Variants in PER2 observed in about 807,000 individuals in gnomAD.
PER2 encodes period circadian regulator 2, also known as period circadian protein homolog 2.
Under a neutral mutation model 121.0 loss-of-function variants are expected in PER2, and 66 were observed. The observed-to-expected ratio is 0.55, with a 90% CI of 0.45 to 0.67. The LOEUF is 0.67. Ranked by LOEUF, PER2 falls within the 30% of genes least tolerant of loss-of-function variation. PER2 has a pLI of 0.00. For missense variants in PER2, 1,521 were observed against 1,635.0 expected, an observed-to-expected ratio of 0.93 and a Z score of 1.20; for synonymous variants, 684 against 659.9, an observed-to-expected ratio of 1.04 and a Z score of -0.56.
At chr2:238,294,087 G>A (rs11689405), upstream of PER2, among the ~76,000 whole-genome samples, 694 of 152,260 alleles carry the variant, frequency 4.6e-3, 3 homozygotes, top group Non-Finnish European at 8.0e-3. Flanking sequence ...GGTGATACCC[G>A]TGTTCAAGGT....
intron 16 of PER2, 65 bp from the exon 17 acceptor site, chr2:238,257,151 C>T (rs1282413230): frequency 6.7e-7 from 1 of 1,490,398 alleles, no homozygotes; most frequent in Non-Finnish European, 9.1e-7. Flanking sequence ...AGATGAGAAA[C>T]CGACACCCAA....
intron 18 of PER2, chr2:238,255,164 C>A (rs770975954): frequency 8.9e-6 from 2 of 224,824 alleles, no homozygotes; most frequent in Non-Finnish European, 1.8e-5. Context: ...CACACCATGA[C>A]CATGGACTCT....
intron 1 of PER2, among the ~76,000 whole-genome samples, chr2:238,279,878 C>T (rs1326319024): frequency 2.6e-5 from 4 of 152,196 alleles, no homozygotes; most frequent in Admixed American, 2.0e-4. Flanking sequence ...GAAGAGTGCA[C>T]TGGAGTCCAA....
intron 1 of PER2, among the ~76,000 whole-genome samples, chr2:238,278,740 T>A (rs1455807432): frequency 6.6e-6 from 1 of 151,612 alleles, no homozygotes; most frequent in Non-Finnish European, 1.5e-5. Context: ...GCTTGCCGGG[T>A]AAAGAGGGCA....
intron 8 of PER2, among the ~76,000 whole-genome samples, chr2:238,266,201 C>T (rs1341362832): frequency 6.6e-6 from 1 of 152,120 alleles, no homozygotes; most frequent in Non-Finnish European, 1.5e-5. Flanking sequence ...CTGCGCCCGG[C>T]CCCATCTTTA....
chr2:238,280,243 C>T (rs1440839645), intron 1 of PER2, among the ~76,000 whole-genome samples: 4 of 152,224 alleles, frequency 2.6e-5, no homozygotes, highest in African/African-American at 4.8e-5. Context: ...CATCCCCTTC[C>T]CCAGGTCGAG....
the PER2 span, among the ~76,000 whole-genome samples, chr2:238,296,963 G>T: frequency 4.7e-3 from 718 of 152,338 alleles, 6 homozygotes; most frequent in African/African-American, 0.016. Context: ...CCTCGCGGGG[G>T]ACATCTTCAG....
At chr2:238,284,441 C>CAAAA (rs199867354) in intron 1 of PER2, among the ~76,000 whole-genome samples, 2 of 83,112 alleles carry the variant, frequency 2.4e-5, no homozygotes, top group Admixed American at 1.4e-4. Context: ...GACTCTATCT[C>CAAAA]AAAAAAAAAA....
intron 22 of PER2, among the ~76,000 whole-genome samples, chr2:238,246,832 C>G (rs545651048): frequency 6.6e-6 from 1 of 152,192 alleles, no homozygotes; most frequent in Non-Finnish European, 1.5e-5. Flanking sequence ...GCGGAGATCA[C>G]GCTACTGTGC....
chr2:238,269,766 G>A (rs1357286257), intron 6 of PER2, among the ~76,000 whole-genome samples: 1 of 152,250 alleles, frequency 6.6e-6, no homozygotes, highest in East Asian at 1.9e-4. Context: ...GCACAGTCAC[G>A]GATGTCCAGA....
chr2:238,287,305 T>C (rs921718187), intron 1 of PER2, among the ~76,000 whole-genome samples: 1 of 152,248 alleles, frequency 6.6e-6, no homozygotes, highest in African/African-American at 2.4e-5. Context: ...TATAGTCATA[T>C]AGCACACAAA....
intron 6 of PER2, among the ~76,000 whole-genome samples, chr2:238,270,618 G>A (rs1361186783): frequency 6.6e-6 from 1 of 152,238 alleles, no homozygotes; most frequent in Non-Finnish European, 1.5e-5. Flanking sequence ...CCTGAGGAGA[G>A]TGGGGGTCAG....
the PER2 span, among the ~76,000 whole-genome samples, chr2:238,297,412 G>C: frequency 6.6e-5 from 10 of 152,262 alleles, no homozygotes; most frequent in East Asian, 7.7e-4. Context: ...TGGTCCACCC[G>C]GCAGGGCCTC....
chr2:238,247,068 C>T (rs1253961318), intron 22 of PER2, among the ~76,000 whole-genome samples: 2 of 152,220 alleles, frequency 1.3e-5, no homozygotes, highest in East Asian at 1.9e-4. Flanking sequence ...TGGACATTCA[C>T]AGCAGGCCAA....
At chr2:238,281,105 G>A (rs1696616212) in intron 1 of PER2, among the ~76,000 whole-genome samples, 1 of 151,860 alleles carries the variant, frequency 6.6e-6, no homozygotes, top group East Asian at 1.9e-4. Flanking sequence ...CTGGGTTCAA[G>A]CAATTCTCCT....
Position 238,253,766 on chromosome 2 carries a change from G to A in PER2, c.2321-64C>T, listed in dbSNP as rs1010201189. ...ACTCCAAATTTGAAGACACCTCTTCGTTCAACAGTCCTGGGTTTCCAAATG... is the reference window on the plus strand; with the variant it reads ...ACTCCAAATTTGAAGACACCTCTTCATTCAACAGTCCTGGGTTTCCAAATG... On this transcript the variant is annotated intron_variant, in intron 18 of 22. Transcript: ENST00000254657. This position sits in a 1 kb window ranked among gnomAD's most constrained non-coding sequence, Gnocchi z 5.6. 1.3e-5 allele frequency: 17 copies of A among 1,270,686 alleles called. No homozygotes were observed. The highest frequency in any genetic ancestry group is 5.1e-5 in the South Asian group (4 of 78,668). The allele number at this position is 1,270,686 out of a possible 1,614,324, so 78.7% of individuals were successfully genotyped here.
the PER2 span, chr2:238,295,473 T>TC: frequency 2.6e-5 from 4 of 152,088 alleles, no homozygotes; most frequent in Non-Finnish European, 4.4e-5. Flanking sequence ...CCTCAAATCG[T>TC]CCCCCTGCCT....
intron 3 of PER2, among the ~76,000 whole-genome samples, chr2:238,276,345 T>C (rs111455107): frequency 3.0e-4 from 46 of 152,344 alleles, no homozygotes; most frequent in African/African-American, 1.1e-3. Context: ...TTGTTCCTGG[T>C]CAAGAGTCAC....
rs1280237685 is a variant in PER2, at chr2:238,268,834, G to A, written c.824+89C>T. 1 of 945,704 alleles carries A rather than the reference G, an allele frequency of 1.1e-6. No homozygotes were observed. The highest frequency in any genetic ancestry group is 1.7e-6 in the Non-Finnish European group (1 of 573,434). The allele number at this position is 945,704 out of a possible 1,614,324, so 58.6% of individuals were successfully genotyped here. Reference sequence around the variant, plus strand: ...GGCGTGCTGAGTCCCTGCAGGCAGGGATCACGCCCCCCAGCCTCAAGCGGA... The same window carrying A: ...GGCGTGCTGAGTCCCTGCAGGCAGGAATCACGCCCCCCAGCCTCAAGCGGA... On this transcript the variant is annotated intron_variant, in intron 7 of 22. Coordinates refer to ENST00000254657, the MANE Select transcript of PER2 (RefSeq NM_022817.3). The surrounding 1 kb of genome is among the most constrained non-coding windows in gnomAD (Gnocchi z 4.0).
Sources: allele counts gnomAD v4.1 joint callset (sites outside exome capture counted in the v4.1 genomes callset), GRCh38; gene constraint gnomAD v4.1.1; non-coding constraint Gnocchi (gnomAD v3.1); transcripts MANE v1.5; gene names NCBI Gene and HGNC (gene_info 2026-07-23, HGNC 2026-07-21).